The following TMA16 variants were observed in gnomAD, a reference collection of about 807,000 sequenced individuals.
TMA16 encodes translation machinery associated 16 homolog, also known as translation machinery-associated protein 16.
Under a neutral mutation model 27.1 loss-of-function variants are expected in TMA16, and 26 were observed. The observed-to-expected ratio is 0.96, with a 90% CI of 0.70 to 1.33. The LOEUF is 1.33. TMA16 is among the 40% of genes most tolerant of loss of function. TMA16 has a pLI of 0.00. For missense variants in TMA16, 233 were observed against 241.4 expected, an observed-to-expected ratio of 0.97 and a Z score of 0.23; for synonymous variants, 71 against 81.9, an observed-to-expected ratio of 0.87 and a Z score of 0.72.
intron 2 of TMA16, among the ~76,000 whole-genome samples, chr4:163,507,545 G>T (rs1737735504): frequency 6.6e-6 from 1 of 152,148 alleles, no homozygotes; most frequent in South Asian, 2.1e-4. Flanking sequence ...GGAATGGATA[G>T]TTAGATATGT....
In TMA16 at chr4:163,517,483, C is replaced by G; in HGVS notation, c.431+7C>G. On this transcript the variant is annotated splice_region_variant and intron_variant, in intron 6 of 6. Transcript: ENST00000358572. ...GTAATCTGAAAACATTTAGGTGAGT[C>G]TGTCTTGTATTGTTCCCCTGAAGCT... The G allele has an allele frequency of 6.2e-7, 1 of 1,613,088 alleles. No homozygotes were observed. The highest frequency in any genetic ancestry group is 1.3e-5 in the African/African-American group (1 of 74,992).
chr4:163,516,689 A>G (rs538134132), intron 5 of TMA16, among the ~76,000 whole-genome samples: 1 of 152,218 alleles, frequency 6.6e-6, no homozygotes, highest in Non-Finnish European at 1.5e-5. Flanking sequence ...GAACTACCAT[A>G]TACCTGGTTT....
At chr4:163,504,360 G>C (rs1025754388) in intron 1 of TMA16, among the ~76,000 whole-genome samples, 1 of 152,100 alleles carries the variant, frequency 6.6e-6, no homozygotes, top group African/African-American at 2.4e-5. Context: ...CAATATTTAT[G>C]ATCTCTCCCT....
chr4:163,505,356 G>A (rs1449717152), intron 1 of TMA16, among the ~76,000 whole-genome samples: 1 of 152,138 alleles, frequency 6.6e-6, no homozygotes, highest in Non-Finnish European at 1.5e-5. Flanking sequence ...CCAACTTCCA[G>A]TGATACCTTA....
chr4:163,511,658 G>GT (rs1460920543), intron 2 of TMA16, among the ~76,000 whole-genome samples: 103 of 141,654 alleles, frequency 7.3e-4, no homozygotes, highest in African/African-American at 2.5e-3. Flanking sequence ...AAAAATAAAA[G>GT]TAAAAAAAAA....
At chr4:163,496,616 A>T (rs1737556854) in intron 1 of TMA16, among the ~76,000 whole-genome samples, 1 of 151,046 alleles carries the variant, frequency 6.6e-6, no homozygotes, top group Admixed American at 6.6e-5. Context: ...TTTTTTTTTG[A>T]GACGGTGTTT....
chr4:163,507,462 G>A (rs1028613677), intron 2 of TMA16, among the ~76,000 whole-genome samples: 33 of 152,216 alleles, frequency 2.2e-4, no homozygotes, highest in African/African-American at 7.5e-4. Context: ...TTTGAACAGA[G>A]AGTTGAAAAA....
chr4:163,514,273 C>A, intron 4 of TMA16, 115 bp downstream of exon 4: 3 of 799,048 alleles, frequency 3.8e-6, no homozygotes, highest in Non-Finnish European at 5.7e-6. Context: ...GCTTTGTTAT[C>A]AGGAAGACTA....
rs549326500 is a variant in TMA16 at position 163,500,804 on chromosome 4, A to G, written c.3+6000A>G. 3.3e-5 allele frequency among the ~76,000 whole-genome samples: 5 copies of G among 152,338 alleles called. No homozygotes were observed. The South Asian group carries it at 8.3e-4, about 25-fold the overall frequency. ...AACCTGTCAAACTGATTTAGCTACA[A>G]TCTTGTTTTTCACTTCTTATAAAAG... On this transcript the variant is annotated intron_variant, in intron 1 of 6. Coordinates refer to ENST00000358572, the MANE Select transcript of TMA16 (RefSeq NM_018352.3).
chr4:163,502,299 C>T (rs1737660266), intron 1 of TMA16, among the ~76,000 whole-genome samples: 2 of 152,062 alleles, frequency 1.3e-5, no homozygotes, highest in African/African-American at 2.4e-5. Context: ...ATATTTGATA[C>T]CTCACACTAT....
chr4:163,509,212 A>G (rs780272345), intron 2 of TMA16, among the ~76,000 whole-genome samples: 2 of 152,168 alleles, frequency 1.3e-5, no homozygotes, highest in African/African-American at 4.8e-5. Context: ...TTAAATGGGA[A>G]TGTGGTCACA....
intron 1 of TMA16, among the ~76,000 whole-genome samples, chr4:163,506,284 C>CAGA (rs1489632767): frequency 1.3e-5 from 2 of 152,130 alleles, no homozygotes; most frequent in Non-Finnish European, 2.9e-5. Context: ...ACAGAACCTT[C>CAGA]AGCTCCTACT....
chr4:163,503,552 G>T lies in TMA16; in HGVS notation c.4-3481G>T, dbSNP rs148447464. Among the ~76,000 whole-genome samples the T allele has an allele frequency of 7.3e-4, 111 of 152,206 alleles. 1 individual carries two copies. Among genetic ancestry groups the T allele is most frequent in the African/African-American group, 2.6e-3 (110 of 41,544 alleles). On this transcript the variant is annotated intron_variant, in intron 1 of 6. Coordinates refer to ENST00000358572, the MANE Select transcript of TMA16 (RefSeq NM_018352.3). ...GCCCCTAAAATAACTCTATTATGTC[G>T]TTTTGAATAAACTATGTGTTTTTTT...
rs1737953611 is a variant in TMA16 at position 163,520,374 on chromosome 4, T to C, written c.*860T>C. The C allele has an allele frequency of 6.2e-6, 1 of 161,318 alleles. No individual in the cohort carries two copies. Among genetic ancestry groups the C allele is most frequent in the South Asian group, 1.8e-4 (1 of 5,480 alleles). 10.0% of individuals were successfully genotyped at this position (161,318 alleles called of 1,614,324 possible). ...AAATGTAAGTATCCTTATTTTTTTT[T>C]TAAAAGAGCACAATGTAGGTGTATT... On this transcript the variant is annotated 3_prime_UTR_variant, in exon 7 of 7. Coordinates refer to ENST00000358572, the MANE Select transcript of TMA16 (RefSeq NM_018352.3).
At chr4:163,498,378 C>T (rs1361464438) in intron 1 of TMA16, among the ~76,000 whole-genome samples, 1 of 150,964 alleles carries the variant, frequency 6.6e-6, no homozygotes, top group African/African-American at 2.4e-5. Context: ...AGCTCTGCCT[C>T]CCGGGTTCAC....
intron 1 of TMA16, among the ~76,000 whole-genome samples, chr4:163,500,369 C>T (rs1311169269): frequency 2.0e-5 from 3 of 152,010 alleles, no homozygotes; most frequent in African/African-American, 7.2e-5. Flanking sequence ...CACCACCACG[C>T]CTGGCTAATT....
intron 1 of TMA16, among the ~76,000 whole-genome samples, chr4:163,496,602 T>A (rs1737556548): frequency 6.6e-6 from 1 of 152,190 alleles, no homozygotes; most frequent in African/African-American, 2.4e-5. Flanking sequence ...TTTATTATTT[T>A]TTATTTTTTT....
intron 1 of TMA16, among the ~76,000 whole-genome samples, chr4:163,506,653 A>G (rs939664092): frequency 2.0e-5 from 3 of 152,164 alleles, no homozygotes; most frequent in African/African-American, 7.2e-5. Context: ...CCCTACTAAT[A>G]ATCCAAGTCC....
chr4:163,494,930 C>A, intron 1 of TMA16, 126 bp downstream of exon 1: 3 of 1,402,638 alleles, frequency 2.1e-6, no homozygotes, highest in Non-Finnish European at 3.0e-6. Flanking sequence ...TGTTTATTTT[C>A]AGGGAGTGTG....
Sources: allele counts gnomAD v4.1 joint callset (sites outside exome capture counted in the v4.1 genomes callset), GRCh38; gene constraint gnomAD v4.1.1; transcripts MANE v1.5; gene names NCBI Gene and HGNC (gene_info 2026-07-23, HGNC 2026-07-21).